Variants in CYP2C19 observed in about 807,000 individuals in gnomAD.
The protein encoded by CYP2C19 is cytochrome P450 family 2 subfamily C member 19, also known as cytochrome P450 2C19.
CYP2C19 carries 59 observed loss-of-function variants against 40.9 expected under a neutral mutation model. That is an observed-to-expected ratio of 1.44 (90% CI 1.17 to 1.79). The LOEUF (loss-of-function observed/expected upper bound fraction) is 1.79, where lower values mean the gene tolerates loss of function less well. CYP2C19 is among the 40% of genes most tolerant of loss of function. The pLI is 0.00. For synonymous variants in CYP2C19, 253 were observed against 208.7 expected, an observed-to-expected ratio of 1.21 and a Z score of -1.83; for missense variants, 754 against 596.9, an observed-to-expected ratio of 1.26 and a Z score of -2.74.
chr10:94,800,035 T>A (rs1848742428), intron 5 of CYP2C19, among the ~76,000 whole-genome samples: 2 of 152,220 alleles, frequency 1.3e-5, no homozygotes, highest in Admixed American at 1.3e-4. Context: ...CCATCCAGCT[T>A]TGTTCCTTTG....
chr10:94,779,297 T>A (rs953992806), intron 3 of CYP2C19, among the ~76,000 whole-genome samples: 2 of 152,084 alleles, frequency 1.3e-5, no homozygotes, highest in South Asian at 4.1e-4. Flanking sequence ...AATTAAAAAA[T>A]ATAAAGTTTA....
chr10:94,775,394 C>T lies in CYP2C19; in HGVS notation c.336C>T (p.Ile112=), dbSNP rs201723068. The T allele has an allele frequency of 8.7e-6, 14 of 1,613,952 alleles. No individual in the cohort carries two copies. Among genetic ancestry groups the T allele is most frequent in the African/African-American group, 6.7e-5 (5 of 75,028 alleles). The change falls in exon 3 of 9, where the codon ATC becomes ATT. Residue 112 remains isoleucine, a synonymous_variant. Coordinates refer to ENST00000371321, the MANE Select transcript of CYP2C19 (RefSeq NM_000769.4). ...TTTCGTTTCTCTTCCTGTTAGGAAT[C>T]GTTTTCAGCAATGGAAAGAGATGGA... is the stretch of plus-strand genomic sequence containing the variant. The part of the protein sequence containing the change: ...LAERANRGFG[I]VFSNGKRWKE...
At chr10:94,797,972 T>C (rs1260061402) in intron 5 of CYP2C19, among the ~76,000 whole-genome samples, 1 of 152,246 alleles carries the variant, frequency 6.6e-6, no homozygotes, top group Admixed American at 6.5e-5. Flanking sequence ...TTTAAAGGGT[T>C]TTTTGTGTCT....
intron 6 of CYP2C19, among the ~76,000 whole-genome samples, chr10:94,827,100 C>T (rs1402838320): frequency 2.6e-5 from 4 of 151,784 alleles, no homozygotes; most frequent in Non-Finnish European, 5.9e-5. Flanking sequence ...GAATGTTCAT[C>T]AAGGATATTG....
intron 6 of CYP2C19, among the ~76,000 whole-genome samples, chr10:94,831,373 C>A (rs954032582): frequency 2.0e-5 from 3 of 152,228 alleles, no homozygotes; most frequent in Middle Eastern, 3.4e-3. Flanking sequence ...ATAGTTATTT[C>A]CTTTCTTTTG....
chr10:94,846,620 T>C (rs1042382828), intron 7 of CYP2C19, among the ~76,000 whole-genome samples: 1 of 152,256 alleles, frequency 6.6e-6, no homozygotes. Context: ...TTACAAAAGA[T>C]GATTTTTTTC....
intron 5 of CYP2C19, among the ~76,000 whole-genome samples, chr10:94,805,609 C>T (rs1332954416): frequency 2.0e-5 from 3 of 152,144 alleles, no homozygotes; most frequent in Non-Finnish European, 4.4e-5. Context: ...CTTGGCCGGG[C>T]ATTGTAGATC....
intron 6 of CYP2C19, 73 bp downstream of exon 6, chr10:94,820,710 C>T (rs1849104347): frequency 6.3e-7 from 1 of 1,579,054 alleles, no homozygotes; most frequent in Admixed American, 1.7e-5. Flanking sequence ...GTTCTCCTTT[C>T]TGTTTCTCTT....
At position 94,775,461 on chromosome 10, in the gene CYP2C19, G is replaced by A; in HGVS notation, c.403G>A (p.Gly135Arg). ...CTCCCTCATGACGCTGCGGAATTTT[G>A]GGATGGGGAAGAGGAGCATTGAGGA... Reference protein sequence around the residue: ...RFSLMTLRNFGMGKRSIEDRV... With the variant: ...RFSLMTLRNFRMGKRSIEDRV... Residue 135 changes from glycine to arginine, a missense_variant, in exon 3 of 9, where the codon GGG (glycine) becomes AGG (arginine). Gly to Arg is a moderately radical substitution (Grantham distance 125). Coordinates refer to ENST00000371321, the MANE Select transcript of CYP2C19 (RefSeq NM_000769.4). 1 of 1,614,042 alleles carries A rather than the reference G, an allele frequency of 6.2e-7. No homozygotes were observed. Among genetic ancestry groups the A allele is most frequent in the Non-Finnish European group, 8.5e-7 (1 of 1,179,982 alleles).
intron 5 of CYP2C19, among the ~76,000 whole-genome samples, chr10:94,796,373 T>C (rs1374239782): frequency 1.3e-5 from 2 of 152,156 alleles, no homozygotes; most frequent in Non-Finnish European, 2.9e-5. Flanking sequence ...ATGGTACAAG[T>C]ACCATGCTGT....
intron 5 of CYP2C19, among the ~76,000 whole-genome samples, chr10:94,789,352 G>T (rs188471998): frequency 1.6e-4 from 24 of 152,032 alleles, no homozygotes; most frequent in Non-Finnish European, 3.4e-4. Context: ...AGTTTAATGA[G>T]ATCTCATTAG....
chr10:94,817,451 T>C (rs1849024897), intron 5 of CYP2C19, among the ~76,000 whole-genome samples: 1 of 142,034 alleles, frequency 7.0e-6, no homozygotes, highest in African/African-American at 2.7e-5. Context: ...GTAAATTTGT[T>C]TGAGTTCATT....
rs373506958 is a variant in CYP2C19 at position 94,770,607 on chromosome 10, C to A, written c.169-4451C>A. On this transcript the variant is annotated intron_variant, in intron 1 of 8. Transcript: ENST00000371321. ...TGGAGCTTTCTCCTGATATCTGCAGCTGATTGGGTAAAAACTTATCTTTTA... is the reference window on the plus strand; with the variant it reads ...TGGAGCTTTCTCCTGATATCTGCAGATGATTGGGTAAAAACTTATCTTTTA... Among the ~76,000 whole-genome samples the A allele has an allele frequency of 3.9e-5, 6 of 152,090 alleles. No individual in the cohort carries two copies. In the East Asian group the frequency reaches 7.7e-4, roughly 20 times the overall value.
At chr10:94,784,102 T>C (rs1014411058) in intron 5 of CYP2C19, among the ~76,000 whole-genome samples, 7 of 152,298 alleles carry the variant, frequency 4.6e-5, no homozygotes, top group Admixed American at 3.3e-4. Context: ...CTAATCTTTT[T>C]TCTGTCTCTA....
chr10:94,843,550 C>T (rs1429441566), intron 7 of CYP2C19, among the ~76,000 whole-genome samples: 1 of 152,032 alleles, frequency 6.6e-6, no homozygotes, highest in Non-Finnish European at 1.5e-5. Context: ...TACAAAATGC[C>T]TTTTGATTTC....
chr10:94,844,512 C>A (rs1330096358), intron 7 of CYP2C19, among the ~76,000 whole-genome samples: 1 of 152,112 alleles, frequency 6.6e-6, no homozygotes, highest in Non-Finnish European at 1.5e-5. Context: ...ACTCTAGTTG[C>A]CATCTCAAAC....
chr10:94,816,570 A>T (rs953664670), intron 5 of CYP2C19, among the ~76,000 whole-genome samples: 1 of 151,492 alleles, frequency 6.6e-6, no homozygotes, highest in Admixed American at 6.6e-5. Context: ...AGGAAAATGT[A>T]GTCTCTTTCT....
chr10:94,813,632 AC>A (rs778833018), intron 5 of CYP2C19, among the ~76,000 whole-genome samples: 3 of 148,978 alleles, frequency 2.0e-5, no homozygotes, highest in Admixed American at 6.7e-5. Context: ...TCCCCTCAAC[AC>A]CCCCCCCAAG....
At chr10:94,832,755 G>A (rs1329089049) in intron 6 of CYP2C19, among the ~76,000 whole-genome samples, 1 of 151,790 alleles carries the variant, frequency 6.6e-6, no homozygotes, top group African/African-American at 2.4e-5. Flanking sequence ...GGTCTTTTGT[G>A]GGTCCATGTC....
Sources: gnomAD v4.1 joint callset for allele counts (sites outside exome capture counted in the v4.1 genomes callset) on GRCh38, gnomAD v4.1.1 for gene constraint, MANE v1.5 for transcripts, NCBI Gene and HGNC (gene_info 2026-07-23, HGNC 2026-07-21) for gene names.